MAPK6: variants seen among roughly 807,000 people sequenced by gnomAD.
The protein encoded by MAPK6 is mitogen-activated protein kinase 6.
In MAPK6, 19 loss-of-function variants were observed where a neutral mutation model predicts 59.3. That is an observed-to-expected ratio of 0.32 (90% confidence interval 0.22 to 0.47). The LOEUF is 0.47. Ranked by LOEUF, MAPK6 falls within the 20% of genes least tolerant of loss-of-function variation. The pLI is 1.00. For missense variants in MAPK6, 724 were observed against 847.9 expected (o/e 0.85, Z 1.81); for synonymous variants, 316 against 290.3 (o/e 1.09, Z -0.90).
At chr15:52,007,283 G>A (rs905764669) in intron 3 of MAPK6, among the ~76,000 whole-genome samples, 2 of 152,162 alleles carry the variant, frequency 1.3e-5, no homozygotes, top group African/African-American at 4.8e-5. Context: ...AGTGGGAGCA[G>A]GTGGGGAGTC....
chr15:52,053,150 G>A (rs1475493755), intron 3 of MAPK6, among the ~76,000 whole-genome samples: 1 of 144,998 alleles, frequency 6.9e-6, no homozygotes, highest in East Asian at 2.0e-4. Flanking sequence ...TTGGCTCACT[G>A]CAACCACTGC....
At chr15:52,062,160 C>T (rs2032230568) in intron 5 of MAPK6, among the ~76,000 whole-genome samples, 1 of 150,992 alleles carries the variant, frequency 6.6e-6, no homozygotes, top group South Asian at 2.1e-4. Flanking sequence ...GCTCACTGTC[C>T]TGCCTCAGCC....
chr15:52,017,975 T>C (rs2030324896), upstream of MAPK6: 1 of 152,148 alleles, frequency 6.6e-6, no homozygotes, highest in Non-Finnish European at 1.5e-5. Flanking sequence ...GACGTTGTTT[T>C]AAATATTAAA....
chr15:51,997,115 G>T (rs947689736), intron 2 of MAPK6, among the ~76,000 whole-genome samples: 44 of 151,386 alleles, frequency 2.9e-4, no homozygotes, highest in African/African-American at 1.1e-3. Context: ...GAGTAGCTGG[G>T]ATTACAGGCG....
chr15:52,048,069 C>T (rs1341248446), intron 2 of MAPK6, among the ~76,000 whole-genome samples: 1 of 152,072 alleles, frequency 6.6e-6, no homozygotes. Flanking sequence ...CCCTGGGAGC[C>T]CTGCTTTGTT....
At chr15:52,051,183 G>A (rs1172715088) in intron 3 of MAPK6, among the ~76,000 whole-genome samples, 7 of 151,960 alleles carry the variant, frequency 4.6e-5, no homozygotes, top group African/African-American at 1.5e-4. Context: ...TCAGCCTCCC[G>A]AGTAGCTGGG....
chr15:52,045,290 A>G (rs1394264517), intron 1 of MAPK6, among the ~76,000 whole-genome samples: 1 of 152,210 alleles, frequency 6.6e-6, no homozygotes, highest in African/African-American at 2.4e-5. Context: ...ATCTTTTCCT[A>G]TCAGTCACAT....
At chr15:51,999,688 G>T (rs2057236880) in intron 2 of MAPK6, among the ~76,000 whole-genome samples, 1 of 151,980 alleles carries the variant, frequency 6.6e-6, no homozygotes, top group Non-Finnish European at 1.5e-5. Flanking sequence ...CTGTCATCCA[G>T]GCTGGAATGC....
At chr15:51,996,486 C>T (rs1340867901) in intron 2 of MAPK6, among the ~76,000 whole-genome samples, 9 of 152,146 alleles carry the variant, frequency 5.9e-5, no homozygotes, top group Non-Finnish European at 8.8e-5. Context: ...ACCTCCACCT[C>T]TTGGATTCAA....
upstream of MAPK6, among the ~76,000 whole-genome samples, chr15:52,016,814 G>T (rs934582026): frequency 5.9e-5 from 9 of 152,172 alleles, no homozygotes; most frequent in Admixed American, 4.6e-4. Context: ...CGGAGGGCAA[G>T]GCTGGTGGAT....
At chr15:51,992,307 T>TA (rs1261387788) in intron 2 of MAPK6, among the ~76,000 whole-genome samples, 26 of 117,730 alleles carry the variant, frequency 2.2e-4, no homozygotes, top group South Asian at 1.7e-3. Flanking sequence ...ATATATATAT[T>TA]TTTTTTTTTT....
At chr15:51,992,631 C>T (rs1322851701) in intron 2 of MAPK6, among the ~76,000 whole-genome samples, 1 of 152,078 alleles carries the variant, frequency 6.6e-6, no homozygotes, top group Admixed American at 6.6e-5. Flanking sequence ...AGATGCCAAT[C>T]ACAAGTCCCA....
intron 3 of MAPK6, chr15:52,057,058 T>C (rs1265491001): frequency 1.3e-5 from 2 of 152,244 alleles, no homozygotes; most frequent in African/African-American, 2.4e-5. Flanking sequence ...ATCTTGTCAT[T>C]GTCCTTCATT....
exon 2 of MAPK6, among the ~76,000 whole-genome samples, chr15:51,983,249 G>A (rs761787190): frequency 6.6e-6 from 1 of 152,100 alleles, no homozygotes; most frequent in Non-Finnish European, 1.5e-5. Flanking sequence ...CACTTTGGGA[G>A]GCCAAGGTGG....
intron 3 of MAPK6, chr15:52,056,871 A>G (rs943165583): frequency 6.7e-6 from 1 of 150,086 alleles, no homozygotes; most frequent in Non-Finnish European, 1.5e-5. Context: ...CTGAATTTAT[A>G]TCTTCAGCCC....
chr15:52,036,092 A>G (rs2031231693), intron 1 of MAPK6, among the ~76,000 whole-genome samples: 1 of 152,096 alleles, frequency 6.6e-6, no homozygotes, highest in Non-Finnish European at 1.5e-5. Flanking sequence ...AGTTTAAGCC[A>G]GGTGGGGTGG....
chr15:51,984,321 G>C (rs1363637306), intron 2 of MAPK6, among the ~76,000 whole-genome samples: 1 of 151,862 alleles, frequency 6.6e-6, no homozygotes, highest in African/African-American at 2.4e-5. Context: ...TCGCTCTGTC[G>C]CCCAGGCTGG....
chr15:51,976,190 C>T (rs531057264), intron 1 of MAPK6, among the ~76,000 whole-genome samples: 31 of 148,122 alleles, frequency 2.1e-4, no homozygotes, highest in Middle Eastern at 3.5e-3. Context: ...CGCTTGAACC[C>T]GGGAGGCAGA....
At chr15:52,013,011 AAAAAAAAAAATATAT>A (rs2030124757) in intron 3 of MAPK6, among the ~76,000 whole-genome samples, 1 of 29,410 alleles carries the variant, frequency 3.4e-5, no homozygotes, top group Non-Finnish European at 6.9e-5. Context: ...AAAAAAAAAA[AAAAAAAAAAATATAT>A]ATATATATAT....
Sources: allele counts gnomAD v4.1 joint callset (sites outside exome capture counted in the v4.1 genomes callset), GRCh38; gene constraint gnomAD v4.1.1; transcripts MANE v1.5; gene names NCBI Gene and HGNC (gene_info 2026-07-23, HGNC 2026-07-21).